Variants in ZNF606 observed in about 807,000 individuals in gnomAD.
ZNF606 encodes zinc finger protein 606.
ZNF606 carries 37 observed loss-of-function variants against 74.9 expected under a neutral mutation model. The ratio of observed to expected loss-of-function variants is 0.49; its 90% CI spans 0.38 to 0.65. ZNF606 has a LOEUF of 0.65. Among genes scored for constraint, ZNF606 ranks in the 30% least tolerant of loss-of-function variants. The pLI, the probability that ZNF606 is intolerant of heterozygous loss-of-function variation, is 0.00. For missense variants in ZNF606, 852 were observed against 952.9 expected, an observed-to-expected ratio of 0.89 and a Z score of 1.39; for synonymous variants, 328 against 312.4, an observed-to-expected ratio of 1.05 and a Z score of -0.53.
chr19:57,995,969 CA>C (rs1381746527), intron 4 of ZNF606, among the ~76,000 whole-genome samples: 3 of 152,114 alleles, frequency 2.0e-5, no homozygotes, highest in Admixed American at 6.5e-5. Flanking sequence ...ACAAATACGA[CA>C]AAACAGTAAT....
At chr19:57,985,971 G>A (rs997365355) in intron 6 of ZNF606, among the ~76,000 whole-genome samples, 1 of 151,760 alleles carries the variant, frequency 6.6e-6, no homozygotes, top group Non-Finnish European at 1.5e-5. Flanking sequence ...AAGCCGAAGA[G>A]AGAATCCTGA....
intron 6 of ZNF606, among the ~76,000 whole-genome samples, chr19:57,986,700 AAAG>A (rs2073168652): frequency 6.6e-6 from 1 of 152,206 alleles, no homozygotes; most frequent in African/African-American, 2.4e-5. Context: ...AAACAGCATA[AAAG>A]GAGGAGGGCA....
chr19:57,999,570 C>A, intron 4 of ZNF606: 1 of 523,976 alleles, frequency 1.9e-6, no homozygotes. Flanking sequence ...GCCCTTCATG[C>A]CCCACAACAA....
At chr19:57,991,953 C>T (rs1459797515) in intron 4 of ZNF606, among the ~76,000 whole-genome samples, 2 of 152,070 alleles carry the variant, frequency 1.3e-5, no homozygotes, top group East Asian at 3.9e-4. Context: ...TCCTAACCTC[C>T]CTGGGGTGGC....
intron 4 of ZNF606, among the ~76,000 whole-genome samples, 173 bp from the exon 5 acceptor site, chr19:57,988,894 T>A (rs114411771): frequency 0.02 from 3,049 of 152,242 alleles, 99 homozygotes; most frequent in African/African-American, 0.07. Flanking sequence ...ACCCAAGACC[T>A]CATATTTGTT....
In ZNF606 at chr19:58,002,559, C is replaced by A; in HGVS notation, c.-215G>T. The A allele has an allele frequency of 2.3e-6, 1 of 429,012 alleles. No individual in the cohort carries two copies. Among genetic ancestry groups the A allele is most frequent in the African/African-American group, 2.0e-5 (1 of 49,188 alleles). 26.6% of individuals were successfully genotyped at this position (429,012 alleles called of 1,614,324 possible). On this transcript the variant is annotated 5_prime_UTR_variant, in exon 1 of 7. Transcript: ENST00000551380. ...AAAGGCCCGCGGAGCCGACGTGCAG[C>A]AGAGTTCACCCAGGCCCGTCCGACC... is the stretch of plus-strand genomic sequence containing the variant.
intron 4 of ZNF606, among the ~76,000 whole-genome samples, chr19:57,995,645 C>T (rs985644950): frequency 1.3e-5 from 2 of 152,034 alleles, no homozygotes; most frequent in African/African-American, 4.8e-5. Context: ...ATGACAAAAC[C>T]CCACCTCTAC....
chr19:57,991,662 C>G (rs918602250), intron 4 of ZNF606, among the ~76,000 whole-genome samples: 5 of 152,068 alleles, frequency 3.3e-5, no homozygotes, highest in African/African-American at 1.2e-4. Flanking sequence ...CGCCTATAAT[C>G]CCAGCTACTC....
intron 4 of ZNF606, among the ~76,000 whole-genome samples, chr19:57,993,903 T>C (rs1249761796): frequency 2.6e-5 from 4 of 152,094 alleles, no homozygotes; most frequent in Non-Finnish European, 5.9e-5. Flanking sequence ...GAATCAGATC[T>C]ATGCAGCTGA....
At chr19:57,992,901 T>C (rs1312792664) in intron 4 of ZNF606, among the ~76,000 whole-genome samples, 10 of 152,214 alleles carry the variant, frequency 6.6e-5, no homozygotes, top group Non-Finnish European at 1.3e-4. Context: ...GATGCCCATG[T>C]CCTAATCCTA....
Position 57,979,358 on chromosome 19 carries a change from G to T in ZNF606, c.1322C>A (p.Ser441Ter). ...AGTCCGTTCATGTTTCGTAAGGGCTGAGCGATTCCTAAAAACTTTTCCACA... is the reference window on the plus strand; with the variant it reads ...AGTCCGTTCATGTTTCGTAAGGGCTTAGCGATTCCTAAAAACTTTTCCACA... ...DKCGKVFRNR[S>*]ALTKHERTHT... Residue 441 changes from serine (S) to a stop codon, truncating the protein, a stop_gained, in exon 7 of 7, where the codon TCA becomes TAA. Coordinates refer to ENST00000551380, the MANE Select transcript of ZNF606 (RefSeq NM_001348022.3). LOFTEE classifies it high-confidence loss of function. 6.2e-7 allele frequency: 1 copy of T among 1,613,196 alleles called. No individual in the cohort carries two copies. Among genetic ancestry groups the T allele is most frequent in the Non-Finnish European group, 8.5e-7 (1 of 1,179,532 alleles).
At chr19:57,999,994 G>T in intron 3 of ZNF606, 98 bp from the exon 4 acceptor site, 1 of 1,067,936 alleles carries the variant, frequency 9.4e-7, no homozygotes, top group Non-Finnish European at 1.3e-6. Context: ...CCTCCCCCTT[G>T]AATGAGGAAA....
At chr19:57,992,701 A>G (rs1600223864) in intron 4 of ZNF606, among the ~76,000 whole-genome samples, 1 of 152,394 alleles carries the variant, frequency 6.6e-6, no homozygotes, top group East Asian at 1.9e-4. Flanking sequence ...CCTTAAGGGT[A>G]CATATCTCTT....
At chr19:57,993,918 G>A (rs1277398715) in intron 4 of ZNF606, among the ~76,000 whole-genome samples, 2 of 152,172 alleles carry the variant, frequency 1.3e-5, no homozygotes, top group Admixed American at 6.5e-5. Flanking sequence ...AGCTGAAGTA[G>A]AACAGGACTT....
At position 58,002,607 on chromosome 19, in the gene ZNF606, G is replaced by A. The variant is rs1006450789; in HGVS notation, c.-263C>T. The stretch of plus-strand genomic sequence containing the variant: ...ACCAGAAAACGAAGAACGCCCGGAG[G>A]CGGGAGGCCGGAGGCAGGCTGCTGG... On this transcript the variant is annotated 5_prime_UTR_variant, in exon 1 of 7. Coordinates refer to ENST00000551380, the MANE Select transcript of ZNF606 (RefSeq NM_001348022.3). 1.4e-5 allele frequency: 6 copies of A among 441,404 alleles called. No homozygotes were observed. The highest frequency in any genetic ancestry group is 2.7e-5 in the Non-Finnish European group (6 of 223,378). 27.3% of individuals were successfully genotyped at this position (441,404 alleles called of 1,614,324 possible).
chr19:57,994,539 G>A (rs190458043), intron 4 of ZNF606, among the ~76,000 whole-genome samples: 1 of 152,182 alleles, frequency 6.6e-6, no homozygotes, highest in South Asian at 2.1e-4. Flanking sequence ...AGACTGGGAG[G>A]AGTTAGTTGA....
At chr19:58,001,760 C>T (rs2073432780) in intron 1 of ZNF606, among the ~76,000 whole-genome samples, 1 of 152,142 alleles carries the variant, frequency 6.6e-6, no homozygotes, top group South Asian at 2.1e-4. Context: ...ACAAGGGTTT[C>T]TTTGTGGGGT....
rs765630115 is a variant in ZNF606 at position 57,979,282 on chromosome 19, G to A, written c.1398C>T (p.Ser466=). The A allele has an allele frequency of 3.1e-6, 5 of 1,613,990 alleles. No homozygotes were observed. The East Asian group carries it at 8.9e-5, about 29-fold the overall frequency. ...YECNKCGKAF[S]WNSHLIVHKR... is the part of the protein sequence containing the mutation. ...TATGTACAATAAGATGAGAATTCCA[G>A]CTGAAGGCTTTTCCACATTTATTAC... The change falls in exon 7 of 7, where the codon AGC becomes AGT. Residue 466 remains serine (S), a synonymous_variant. Transcript: ENST00000551380.
At chr19:57,997,332 A>G (rs2073354420) in intron 4 of ZNF606, 1 of 152,102 alleles carries the variant, frequency 6.6e-6, no homozygotes, top group African/African-American at 2.4e-5. Context: ...TGTAGTTAAA[A>G]CCTCACTATT....
Sources: allele counts gnomAD v4.1 joint callset (sites outside exome capture counted in the v4.1 genomes callset), GRCh38; gene constraint gnomAD v4.1.1; transcripts MANE v1.5; gene names NCBI Gene and HGNC (gene_info 2026-07-23, HGNC 2026-07-21).